MAGEL2: variants seen among roughly 807,000 people sequenced by gnomAD.
MAGEL2 encodes the protein MAGE-like protein 2.
For missense variants in MAGEL2, 1,830 were observed against 1,699.2 expected (o/e 1.08, Z -1.35); for synonymous variants, 792 against 721.7 (o/e 1.10, Z -1.56).
rs753116330 is a variant in MAGEL2, at chr15:23,644,125, C to T, written c.3618G>A (p.Lys1206=). ...LVLRFLAKLH[K]KDPQSWPFHY... is the part of the protein sequence containing the mutation. ...GGAATGGCCAGCTCTGTGGATCTTTCTTATGGAGCTTGGCCAAAAACCTCA... is the reference window on the plus strand; with the variant it reads ...GGAATGGCCAGCTCTGTGGATCTTTTTTATGGAGCTTGGCCAAAAACCTCA... Residue 1206 remains lysine, a synonymous_variant, in exon 1 of 1, where the codon AAG becomes AAA. Transcript: ENST00000650528. 5.6e-6 allele frequency: 9 copies of T among 1,613,828 alleles called. No homozygotes were observed. The highest frequency in any genetic ancestry group is 7.6e-6 in the Non-Finnish European group (9 of 1,179,898).
In MAGEL2 at chr15:23,644,970, G is replaced by C. The variant is rs1184738480; in HGVS notation, c.2773C>G (p.Gln925Glu). Residue 925 changes from glutamine (Q) to glutamate (E), a missense_variant, in exon 1 of 1, where the codon CAA (glutamine) becomes GAA (glutamate). Coordinates refer to ENST00000650528, the MANE Select transcript of MAGEL2 (RefSeq NM_019066.5). ...TCACCCGAGACCTGGATAGGGCTTTGGACCTCCCAGTCACTCAGATTTAGA... is the reference window on the plus strand; with the variant it reads ...TCACCCGAGACCTGGATAGGGCTTTCGACCTCCCAGTCACTCAGATTTAGA... ...ENLNLSDWEVQSPIQVSGDWE... is the reference protein window; with the variant it reads ...ENLNLSDWEVESPIQVSGDWE... 1 of 1,613,720 alleles carries C rather than the reference G, an allele frequency of 6.2e-7. No homozygotes were observed. The highest frequency in any genetic ancestry group is 8.5e-7 in the Non-Finnish European group (1 of 1,179,894).
At position 23,644,433 on chromosome 15, in the gene MAGEL2, A is replaced by G. The variant is rs181597016; in HGVS notation, c.3310T>C (p.Tyr1104His). Residue 1104 changes from tyrosine to histidine, a missense_variant, in exon 1 of 1, where the codon TAT (tyrosine) becomes CAT (histidine). By Grantham distance (83) the Tyr-to-His change is moderately conservative. Coordinates refer to ENST00000650528, the MANE Select transcript of MAGEL2 (RefSeq NM_019066.5). ...AGGCCAAACTTGGGCCTGTCTAAAT[A>G]GGATGCCACCAAATTCCCTGTATGG... ...GYHTGNLVAS[Y>H]LDRPKFGLLM... The G allele has an allele frequency of 6.2e-7, 1 of 1,613,984 alleles. No homozygotes were observed. Among genetic ancestry groups the G allele is most frequent in the East Asian group, 2.2e-5 (1 of 44,872 alleles).
rs754097303 is a variant in MAGEL2 at position 23,644,945 on chromosome 15, T to C, written c.2798A>G (p.Asp933Gly). ...EVQSPIQVSGDWEHPNTPRGL... is the reference protein window; with the variant it reads ...EVQSPIQVSGGWEHPNTPRGL... ...ACGGGGGGTGTTTGGGTGCTCCCAG[T>C]CACCCGAGACCTGGATAGGGCTTTG... The change falls in exon 1 of 1, where the codon GAC becomes GGC. Residue 933 changes from aspartate (D) to glycine (G), a missense_variant. Transcript: ENST00000650528. 6.2e-7 allele frequency: 1 copy of C among 1,613,648 alleles called. No individual in the cohort carries two copies. The highest frequency in any genetic ancestry group is 8.5e-7 in the Non-Finnish European group (1 of 1,179,870).
Position 23,645,041 on chromosome 15 carries a change from T to C in MAGEL2, c.2702A>G (p.His901Arg). Residue 901 changes from histidine to arginine, a missense_variant, in exon 1 of 1, where the codon CAC (histidine) becomes CGC (arginine). Transcript: ENST00000650528. ...HLEAQEDSRG[H>R]TLAFHDWQGP... Reference sequence around the variant, plus strand: ...CTGCCAGTCATGAAAGGCTAGCGTGTGGCCACGGCTGTCCTCTTGGGCTTC... The same window carrying C: ...CTGCCAGTCATGAAAGGCTAGCGTGCGGCCACGGCTGTCCTCTTGGGCTTC... 1.2e-6 allele frequency: 2 copies of C among 1,613,966 alleles called. No homozygotes were observed. Among genetic ancestry groups the C allele is most frequent in the African/African-American group, 1.3e-5 (1 of 75,080 alleles).
chr15:23,645,451 A>T lies in MAGEL2; in HGVS notation c.2292T>A (p.Ala764=), dbSNP rs749883030. ...ATFCAPKAVS[A]ARAHLPAAWK... The stretch of plus-strand genomic sequence containing the variant: ...AGGCAGCTGGCAGGTGTGCTCGCGC[A>T]GCTGACACTGCCTTGGGAGCACAGA... The change falls in exon 1 of 1, where the codon GCT becomes GCA. Residue 764 remains alanine (A), a synonymous_variant. Transcript: ENST00000650528. 2 of 1,613,826 alleles carry T rather than the reference A, an allele frequency of 1.2e-6. No individual in the cohort carries two copies. The highest frequency in any genetic ancestry group is 1.7e-6 in the Non-Finnish European group (2 of 1,179,898).
chr15:23,646,506 G>T lies in MAGEL2; in HGVS notation c.1237C>A (p.Pro413Thr), dbSNP rs1433735573. ...GGTGGGCCAGGGCGGATGGGCGGGG[G>T]CCCCTGGCGCATGGGCGGCGGCACC... is the stretch of plus-strand genomic sequence containing the variant. ...WQVPPPMRQG[P>T]PPIRPGPPPI... Residue 413 changes from proline to threonine, a missense_variant, in exon 1 of 1, where the codon CCC becomes ACC. By Grantham distance (38) the Pro-to-Thr change is conservative. Transcript: ENST00000650528. This position sits in a 1 kb window ranked among gnomAD's most constrained non-coding sequence, Gnocchi z 4.2. 2.7e-6 allele frequency: 4 copies of T among 1,459,474 alleles called. No individual in the cohort carries two copies. The highest frequency in any genetic ancestry group is 5.2e-5 in the Admixed American group (2 of 38,356). The allele number at this position is 1,459,474 out of a possible 1,614,324, so 90.4% of individuals were successfully genotyped here.
chr15:23,647,579 A>G lies in MAGEL2; in HGVS notation c.164T>C (p.Leu55Ser). The G allele has an allele frequency of 6.5e-7, 1 of 1,536,294 alleles. No homozygotes were observed. Among genetic ancestry groups the G allele is most frequent in the Non-Finnish European group, 8.7e-7 (1 of 1,146,790 alleles). ...AGGCTGAGGTGCCTGCCAAGCGGCC[A>G]ATGAAGCCTGCAAGTCAATTGGAGG... ...DPPPIDLQAS[L>S]AAWQAPQPAW... Residue 55 changes from leucine (L) to serine (S), a missense_variant, in exon 1 of 1, where the codon TTG (leucine) becomes TCG (serine). Coordinates refer to ENST00000650528, the MANE Select transcript of MAGEL2 (RefSeq NM_019066.5).
Position 23,647,683 on chromosome 15 carries a change from C to A in MAGEL2, c.60G>T (p.Pro20=), listed in dbSNP as rs765792442. ...GAACCGTAGGGCGGCTATAGACAGG[C>A]GGCTTCGGGGCCTCCGCCGGAGGAC... ...DSSPPAEAPK[P]PVYSRPTVLM... Residue 20 remains proline, a synonymous_variant, in exon 1 of 1, where the codon CCG becomes CCT. Transcript: ENST00000650528. 107 of 1,505,150 alleles carry A rather than the reference C, an allele frequency of 7.1e-5. No homozygotes were observed. The highest frequency in any genetic ancestry group is 9.2e-5 in the Non-Finnish European group (104 of 1,134,484). 93.2% of individuals were successfully genotyped at this position (1,505,150 alleles called of 1,614,324 possible).
rs1335173593 is a variant in MAGEL2 at position 23,647,671 on chromosome 15, G to T, written c.72C>A (p.Ser24Arg). Reference sequence around the variant, plus strand: ...GGGCCCGCATCAGAACCGTAGGGCGGCTATAGACAGGCGGCTTCGGGGCCT... The same window carrying T: ...GGGCCCGCATCAGAACCGTAGGGCGTCTATAGACAGGCGGCTTCGGGGCCT... ...PAEAPKPPVY[S>R]RPTVLMRAPP... The change falls in exon 1 of 1, where the codon AGC becomes AGA. Residue 24 changes from serine (S) to arginine (R), a missense_variant. Ser to Arg is a moderately radical substitution (Grantham distance 110). Transcript: ENST00000650528. 1 of 1,515,474 alleles carries T rather than the reference G, an allele frequency of 6.6e-7. No homozygotes were observed. The highest frequency in any genetic ancestry group is 8.8e-7 in the Non-Finnish European group (1 of 1,139,406). 93.9% of individuals were successfully genotyped at this position (1,515,474 alleles called of 1,614,324 possible). A position where few individuals can be genotyped will look rare whatever the true frequency, so the allele number is the denominator to read the frequency against.
chr15:23,644,471 T>C lies in MAGEL2; in HGVS notation c.3272A>G (p.Asn1091Ser). 1 of 1,613,974 alleles carries C rather than the reference T, an allele frequency of 6.2e-7. No individual in the cohort carries two copies. Among genetic ancestry groups the C allele is most frequent in the Non-Finnish European group, 8.5e-7 (1 of 1,179,902 alleles). Reference protein sequence around the residue: ...DTKNHAYIIINKLGYHTGNLV... With the variant: ...DTKNHAYIIISKLGYHTGNLV... ...ATTCCCTGTATGGTAGCCCAGCTTGTTGATGATAATATAGGCGTGGTTTTT... is the reference window on the plus strand; with the variant it reads ...ATTCCCTGTATGGTAGCCCAGCTTGCTGATGATAATATAGGCGTGGTTTTT... Residue 1091 changes from asparagine to serine, a missense_variant, in exon 1 of 1, where the codon AAC becomes AGC. Physicochemically the swap from Asn to Ser is conservative, Grantham distance 46 (BLOSUM62 1). Coordinates refer to ENST00000650528, the MANE Select transcript of MAGEL2 (RefSeq NM_019066.5).
At position 23,645,751 on chromosome 15, in the gene MAGEL2, G is replaced by T; in HGVS notation, c.1992C>A (p.Pro664=). 6.3e-7 allele frequency: 1 copy of T among 1,575,866 alleles called. No homozygotes were observed. The highest frequency in any genetic ancestry group is 1.8e-5 in the Admixed American group (1 of 54,958). Residue 664 remains proline, a synonymous_variant, in exon 1 of 1, where the codon CCC becomes CCA. Coordinates refer to ENST00000650528, the MANE Select transcript of MAGEL2 (RefSeq NM_019066.5). ...PSQKAVQIQL[P]PQQAQASGPQ... is the part of the protein sequence containing the mutation. Reference sequence around the variant, plus strand: ...GACCCGATGCCTGGGCCTGCTGGGGGGGTAGCTGGATTTGCACGGCTTTTT... The same window carrying T: ...GACCCGATGCCTGGGCCTGCTGGGGTGGTAGCTGGATTTGCACGGCTTTTT...
Position 23,647,458 on chromosome 15 carries a change from C to G in MAGEL2, c.285G>C (p.Leu95=). 6.5e-7 allele frequency: 1 copy of G among 1,534,614 alleles called. No homozygotes were observed. The highest frequency in any genetic ancestry group is 8.7e-7 in the Non-Finnish European group (1 of 1,146,216). ...LGGPIVPAPP[L]GGPMGKPPTP... is the part of the protein sequence containing the mutation. ...TCGGAGGCTTACCCATCGGGCCCCC[C>G]AGCGGGGGAGCCGGGACTATCGGGC... The change falls in exon 1 of 1, where the codon CTG becomes CTC. Residue 95 remains leucine (L), a synonymous_variant. Coordinates refer to ENST00000650528, the MANE Select transcript of MAGEL2 (RefSeq NM_019066.5).
In MAGEL2 at chr15:23,647,561, G is replaced by A. The variant is rs1322586738; in HGVS notation, c.182C>T (p.Pro61Leu). 2 of 1,535,194 alleles carry A rather than the reference G, an allele frequency of 1.3e-6. No homozygotes were observed. Among genetic ancestry groups the A allele is most frequent in the South Asian group, 1.2e-5 (1 of 83,886 alleles). ...LQASLAAWQA[P>L]QPAWEAPQGQ... ...CTGTGGGGCCTCCCAGGCAGGCTGA[G>A]GTGCCTGCCAAGCGGCCAATGAAGC... Residue 61 changes from proline to leucine, a missense_variant, in exon 1 of 1, where the codon CCT becomes CTT. Transcript: ENST00000650528.
rs770170386 is a variant in MAGEL2, at chr15:23,646,325, C to A, written c.1418G>T (p.Arg473Leu). 7.3e-7 allele frequency: 1 copy of A among 1,369,926 alleles called. No homozygotes were observed. Among genetic ancestry groups the A allele is most frequent in the Non-Finnish European group, 9.3e-7 (1 of 1,072,190 alleles). The allele number at this position is 1,369,926 out of a possible 1,614,324, so 84.9% of individuals were successfully genotyped here. A position where few individuals can be genotyped will look rare whatever the true frequency, so the allele number is the denominator to read the frequency against. ...AVIRQAPPVIRQAPPVIRQAP... is the reference protein window; with the variant it reads ...AVIRQAPPVILQAPPVIRQAP... ...CTGGCGGATCACAGGTGGGGCCTGG[C>A]GGATCACAGGTGGGGCCTGGCGGAT... Residue 473 changes from arginine (R) to leucine (L), a missense_variant, in exon 1 of 1, where the codon CGC (arginine) becomes CTC (leucine). By Grantham distance (102) the Arg-to-Leu change is moderately radical. Transcript: ENST00000650528. This position sits in a 1 kb window ranked among gnomAD's most constrained non-coding sequence, Gnocchi z 4.2.
rs1890358758 is a variant in MAGEL2, at chr15:23,644,861, G to A, written c.2882C>T (p.Pro961Leu). ...TSRILSGWEGPSASWALSAWE... is the reference protein window; with the variant it reads ...TSRILSGWEGLSASWALSAWE... Reference sequence around the variant, plus strand: ...GGCACTCAGGGCCCAGGATGCGCTGGGCCCTTCCCAGCCACTCAGGATCCT... The same window carrying A: ...GGCACTCAGGGCCCAGGATGCGCTGAGCCCTTCCCAGCCACTCAGGATCCT... The change falls in exon 1 of 1, where the codon CCC becomes CTC. Residue 961 changes from proline (P) to leucine (L), a missense_variant. By Grantham distance (98) the Pro-to-Leu change is moderately conservative (BLOSUM62 -3). Coordinates refer to ENST00000650528, the MANE Select transcript of MAGEL2 (RefSeq NM_019066.5). 3.1e-6 allele frequency: 5 copies of A among 1,612,368 alleles called. No individual in the cohort carries two copies. The highest frequency in any genetic ancestry group is 4.2e-6 in the Non-Finnish European group (5 of 1,179,798).
rs754871036 is a variant in MAGEL2, at chr15:23,644,334, A to G, written c.3409T>C (p.Phe1137Leu). 6.2e-7 allele frequency: 1 copy of G among 1,613,798 alleles called. No homozygotes were observed. Among genetic ancestry groups the G allele is most frequent in the South Asian group, 1.1e-5 (1 of 91,056 alleles). ...TCCCGGACATCCAACCCTAACTTGA[A>G]CAGAAAATTAAAGATCAGATCCTCC... ...VREDLIFNFLFKLGLDVRETN... is the reference protein window; with the variant it reads ...VREDLIFNFLLKLGLDVRETN... Residue 1137 changes from phenylalanine to leucine, a missense_variant, in exon 1 of 1, where the codon TTC (phenylalanine) becomes CTC (leucine). Coordinates refer to ENST00000650528, the MANE Select transcript of MAGEL2 (RefSeq NM_019066.5).
chr15:23,645,812 T>G lies in MAGEL2; in HGVS notation c.1931A>C (p.Gln644Pro). 1 of 1,590,402 alleles carries G rather than the reference T, an allele frequency of 6.3e-7. No homozygotes were observed. The highest frequency in any genetic ancestry group is 8.5e-7 in the Non-Finnish European group (1 of 1,169,776). ...EAQRQAPPLV[Q>P]LEQPFQGAPP... ...GGCTCCCTGAAAGGGCTGCTCCAGC[T>G]GGACCAAGGGGGGAGCCTGCCTCTG... The change falls in exon 1 of 1, where the codon CAG (glutamine) becomes CCG (proline). Residue 644 changes from glutamine to proline, a missense_variant. Transcript: ENST00000650528.
chr15:23,645,132 C>G lies in MAGEL2; in HGVS notation c.2611G>C (p.Ala871Pro), dbSNP rs2233066. 5.6e-5 allele frequency: 91 copies of G among 1,613,640 alleles called. No individual in the cohort carries two copies. The East Asian group carries it at 2.0e-3, about 35-fold the overall frequency. ...GGCGGCTCGACGGAGGTCTTGGAGG[C>G]CTCTTGAGTGGTGGCAGTTGCCTGG... ...APQATATTQE[A>P]SKTSVEPPRR... The change falls in exon 1 of 1, where the codon GCC (alanine) becomes CCC (proline). Residue 871 changes from alanine to proline, a missense_variant. Coordinates refer to ENST00000650528, the MANE Select transcript of MAGEL2 (RefSeq NM_019066.5).
In MAGEL2 at chr15:23,647,331, G is replaced by T. The variant is rs754392781; in HGVS notation, c.412C>A (p.Pro138Thr). 3 of 1,536,560 alleles carry T rather than the reference G, an allele frequency of 2.0e-6. No individual in the cohort carries two copies. In the African/African-American group the frequency reaches 4.1e-5, roughly 21 times the overall value. ...CCCGGAGGAGGAGGATGGGCCATGG[G>T]AGCTCCGGGAGCTGAAGGATGCACC... ...LMVHPSAPGA[P>T]MAHPPPPGTP... The change falls in exon 1 of 1, where the codon CCC (proline) becomes ACC (threonine). Residue 138 changes from proline to threonine, a missense_variant. Coordinates refer to ENST00000650528, the MANE Select transcript of MAGEL2 (RefSeq NM_019066.5).
Sources: gnomAD v4.1 joint callset for allele counts on GRCh38, gnomAD v4.1.1 for gene constraint, Gnocchi (gnomAD v3.1) non-coding constraint, MANE v1.5 for transcripts, NCBI Gene and HGNC (gene_info 2026-07-23, HGNC 2026-07-21) for gene names.